EIF4E: variants seen among roughly 807,000 people sequenced by gnomAD.
EIF4E encodes eukaryotic translation initiation factor 4E, also known as eIF-4F 25 kDa subunit.
For synonymous variants in EIF4E, 71 were observed against 88.5 expected (o/e 0.80, Z 1.11); for missense variants, 113 against 265.6 (o/e 0.43, Z 3.99).
intron 1 of EIF4E, among the ~76,000 whole-genome samples, chr4:98,922,938 C>G (rs1725714309): frequency 6.6e-6 from 1 of 151,316 alleles, no homozygotes; most frequent in Non-Finnish European, 1.5e-5. Flanking sequence ...ACCTCCACCT[C>G]CCAGGTTCAA....
intron 2 of EIF4E, among the ~76,000 whole-genome samples, chr4:98,897,997 G>A (rs1424097688): frequency 2.0e-5 from 3 of 152,084 alleles, no homozygotes. Flanking sequence ...GACACTGACA[G>A]ACCAATGGAT....
At chr4:98,883,452 G>A (rs931340991) in intron 6 of EIF4E, among the ~76,000 whole-genome samples, 3 of 135,264 alleles carry the variant, frequency 2.2e-5, no homozygotes, top group African/African-American at 5.6e-5. Context: ...AGGCTGGAGC[G>A]CAGTGGCCCA....
chr4:98,885,116 T>A (rs1723858917), intron 5 of EIF4E, 55 bp from the exon 6 acceptor site: 2 of 1,568,952 alleles, frequency 1.3e-6, no homozygotes, highest in African/African-American at 1.4e-5. Flanking sequence ...CTCATTACAC[T>A]GCAAATGTCT....
intron 1 of EIF4E, among the ~76,000 whole-genome samples, chr4:98,914,327 C>T (rs1385847298): frequency 8.1e-6 from 1 of 124,092 alleles, no homozygotes; most frequent in Non-Finnish European, 1.6e-5. Context: ...CGTGCCACTG[C>T]ACTCCAGCCT....
intron 1 of EIF4E, among the ~76,000 whole-genome samples, chr4:98,908,791 C>T (rs1724988311): frequency 6.6e-6 from 1 of 152,120 alleles, no homozygotes; most frequent in African/African-American, 2.4e-5. Context: ...CGTGAAACAA[C>T]CATTATTCTC....
chr4:98,908,213 G>T (rs1319116454), intron 1 of EIF4E, among the ~76,000 whole-genome samples: 1 of 152,080 alleles, frequency 6.6e-6, no homozygotes, highest in African/African-American at 2.4e-5. Context: ...AGTAAGTAGG[G>T]ATATGAAAAG....
At chr4:98,920,920 T>C (rs1725618537) in intron 1 of EIF4E, among the ~76,000 whole-genome samples, 1 of 152,198 alleles carries the variant, frequency 6.6e-6, no homozygotes, top group South Asian at 2.1e-4. Flanking sequence ...GGATGGACTT[T>C]AGTTTTGGTT....
At position 98,909,749 on chromosome 4, in the gene EIF4E, T is replaced by C. The variant is rs1208452800; in HGVS notation, c.19-7767A>G. ...TCACCATCTTCAGCTCTCATTTTTT[T>C]TCTTTCCTTCTTGTTTTGCTTCTTT... On this transcript the variant is annotated intron_variant, in intron 1 of 6. Transcript: ENST00000450253. The C allele has an allele frequency of 4.3e-6, 3 of 705,354 alleles. No individual in the cohort carries two copies. In the African/African-American group the frequency reaches 5.2e-5, roughly 12 times the overall value. 43.7% of individuals were successfully genotyped at this position (705,354 alleles called of 1,614,324 possible). A position where few individuals can be genotyped will look rare whatever the true frequency, so the allele number is the denominator to read the frequency against.
intron 2 of EIF4E, among the ~76,000 whole-genome samples, chr4:98,894,751 A>G (rs956980458): frequency 6.6e-6 from 1 of 152,164 alleles, no homozygotes; most frequent in Non-Finnish European, 1.5e-5. Context: ...AGGACTTTCG[A>G]TCTCCTTCAA....
At chr4:98,881,249 A>G in intron 6 of EIF4E, 107 bp from the exon 7 acceptor site, 1 of 1,479,346 alleles carries the variant, frequency 6.8e-7, no homozygotes, top group Non-Finnish European at 9.0e-7. Context: ...AAAAACATAG[A>G]CTTGAGAATA....
intron 1 of EIF4E, among the ~76,000 whole-genome samples, chr4:98,902,880 A>T (rs1724709673): frequency 6.6e-6 from 1 of 152,150 alleles, no homozygotes. Flanking sequence ...TATGATGACA[A>T]AAAAGCTTTG....
At chr4:98,909,780 G>A in intron 1 of EIF4E, 1 of 702,594 alleles carries the variant, frequency 1.4e-6, no homozygotes. Context: ...TCTTTTTCAT[G>A]CATCACTTTT....
intron 1 of EIF4E, among the ~76,000 whole-genome samples, chr4:98,924,072 C>G (rs908296190): frequency 3.9e-4 from 58 of 148,920 alleles, no homozygotes; most frequent in Non-Finnish European, 6.9e-4. Flanking sequence ...AAGGAAACTT[C>G]TTTTGTTTAT....
chr4:98,892,218 T>C (rs1035718328), intron 2 of EIF4E, among the ~76,000 whole-genome samples: 1 of 150,610 alleles, frequency 6.6e-6, no homozygotes, highest in Non-Finnish European at 1.5e-5. Flanking sequence ...TGGTGGTGCA[T>C]GCCTGTATTC....
At chr4:98,912,249 T>A (rs1467917948) in intron 1 of EIF4E, among the ~76,000 whole-genome samples, 1 of 120,450 alleles carries the variant, frequency 8.3e-6, no homozygotes, top group Non-Finnish European at 1.7e-5. Context: ...CAAAACTCCG[T>A]CTCGAAAAAA....
chr4:98,905,908 G>C (rs1724851814), intron 1 of EIF4E, among the ~76,000 whole-genome samples: 1 of 152,108 alleles, frequency 6.6e-6, no homozygotes, highest in African/African-American at 2.4e-5. Flanking sequence ...AATCTTACAG[G>C]ACAATCCTAA....
At chr4:98,923,287 C>T (rs1725730416) in intron 1 of EIF4E, among the ~76,000 whole-genome samples, 2 of 150,632 alleles carry the variant, frequency 1.3e-5, no homozygotes, top group African/African-American at 4.9e-5. Context: ...ATTTTAGACA[C>T]ACACACACAC....
chr4:98,886,679 G>T, intron 5 of EIF4E: 1 of 338,286 alleles, frequency 3.0e-6, no homozygotes, highest in South Asian at 2.4e-5. Flanking sequence ...ATAAATATCC[G>T]CACTCCAGCC....
intron 2 of EIF4E, among the ~76,000 whole-genome samples, chr4:98,896,499 A>AAAAAG (rs1560640147): frequency 1.3e-5 from 2 of 148,496 alleles, no homozygotes; most frequent in African/African-American, 5.0e-5. Flanking sequence ...AAAAAAAAAA[A>AAAAAG]AAAAAAAAAA....
Sources: gnomAD v4.1 joint callset for allele counts (sites outside exome capture counted in the v4.1 genomes callset) on GRCh38, gnomAD v4.1.1 for gene constraint, MANE v1.5 for transcripts, NCBI Gene and HGNC (gene_info 2026-07-23, HGNC 2026-07-21) for gene names.